PPP3CA: variants seen among roughly 807,000 people sequenced by gnomAD.
PPP3CA encodes the protein protein phosphatase 3 catalytic subunit alpha.
PPP3CA carries 14 observed loss-of-function variants against 66.5 expected under a neutral mutation model. That is an observed-to-expected ratio of 0.21 (90% confidence interval 0.14 to 0.33). PPP3CA has a LOEUF of 0.33. Ranked by LOEUF, PPP3CA falls within the 10% of genes least tolerant of loss-of-function variation. The pLI is 1.00. For missense variants in PPP3CA, 317 were observed against 639.5 expected, an observed-to-expected ratio of 0.50 and a Z score of 5.44; for synonymous variants, 232 against 226.2, an observed-to-expected ratio of 1.03 and a Z score of -0.23.
chr4:101,316,136 T>C (rs1317853224), intron 1 of PPP3CA, among the ~76,000 whole-genome samples: 17 of 151,972 alleles, frequency 1.1e-4, no homozygotes, highest in Non-Finnish European at 7.4e-5. Context: ...CAAAGGAATC[T>C]ACAAAATGTA....
intron 2 of PPP3CA, among the ~76,000 whole-genome samples, chr4:101,145,974 T>C (rs1024545486): frequency 6.6e-6 from 1 of 152,192 alleles, no homozygotes; most frequent in Admixed American, 6.5e-5. Context: ...ACGTTTCACA[T>C]TTTATTTAGT....
intron 1 of PPP3CA, among the ~76,000 whole-genome samples, chr4:101,345,817 C>G (rs1729964751): frequency 6.6e-6 from 1 of 152,118 alleles, no homozygotes; most frequent in Non-Finnish European, 1.5e-5. Flanking sequence ...GAAGAGGAGG[C>G]AATAATAGGA....
intron 1 of PPP3CA, among the ~76,000 whole-genome samples, chr4:101,315,323 A>T (rs1296255379): frequency 6.6e-6 from 1 of 152,196 alleles, no homozygotes; most frequent in Non-Finnish European, 1.5e-5. Context: ...ATCTAATCTA[A>T]GGCATTTTGT....
chr4:101,146,814 C>G (rs1282381580), intron 2 of PPP3CA, among the ~76,000 whole-genome samples: 1 of 152,088 alleles, frequency 6.6e-6, no homozygotes, highest in Non-Finnish European at 1.5e-5. Flanking sequence ...TTGAATATCC[C>G]TTATCCAAAA....
chr4:101,174,341 C>T (rs1244456842), intron 2 of PPP3CA, among the ~76,000 whole-genome samples: 1 of 152,060 alleles, frequency 6.6e-6, no homozygotes, highest in Non-Finnish European at 1.5e-5. Flanking sequence ...TTAATTTTTT[C>T]ATTAAGATAT....
At chr4:101,283,826 C>T (rs774472673) in intron 1 of PPP3CA, among the ~76,000 whole-genome samples, 18 of 150,422 alleles carry the variant, frequency 1.2e-4, no homozygotes, top group Non-Finnish European at 2.5e-4. Flanking sequence ...GAAGAACACA[C>T]CACTACTGCT....
At position 101,189,680 on chromosome 4, in the gene PPP3CA, T is replaced by A. The variant is rs557880786; in HGVS notation, c.259+6236A>T. On this transcript the variant is annotated intron_variant, in intron 2 of 13. Coordinates refer to ENST00000394854, the MANE Select transcript of PPP3CA (RefSeq NM_000944.5). ...TTAAAAAGTACAGTGTTTATGATAG[T>A]GAACGGCAAAAAAAAAAAAAAAAAC... Among the ~76,000 whole-genome samples the A allele has an allele frequency of 1.5e-4, 17 of 109,840 alleles. No homozygotes were observed. In the South Asian group the frequency reaches 3.8e-3, roughly 24 times the overall value. The allele number at this position is 109,840 out of a possible 152,430, so 72.1% of individuals were successfully genotyped here.
chr4:101,230,548 A>T (rs1280455379), intron 1 of PPP3CA, among the ~76,000 whole-genome samples: 1 of 151,556 alleles, frequency 6.6e-6, no homozygotes, highest in Non-Finnish European at 1.5e-5. Context: ...ATAAACAAAC[A>T]AACTAAATAA....
intron 1 of PPP3CA, among the ~76,000 whole-genome samples, chr4:101,321,034 G>A (rs1444919463): frequency 1.3e-5 from 2 of 152,190 alleles, no homozygotes; most frequent in South Asian, 4.1e-4. Context: ...TGTGCTTAAA[G>A]TCAAATCTAA....
chr4:101,336,296 C>T (rs887036065), intron 1 of PPP3CA, among the ~76,000 whole-genome samples: 1 of 151,646 alleles, frequency 6.6e-6, no homozygotes, highest in East Asian at 2.0e-4. Flanking sequence ...GCTGGCCGGC[C>T]GCAGTGGCTC....
intron 1 of PPP3CA, among the ~76,000 whole-genome samples, chr4:101,253,310 A>C (rs376160192): frequency 7.9e-5 from 12 of 152,278 alleles, no homozygotes; most frequent in African/African-American, 2.9e-4. Flanking sequence ...TGAGAAGCAG[A>C]TGGTGAATGT....
chr4:101,338,996 C>G (rs536614834), intron 1 of PPP3CA, among the ~76,000 whole-genome samples: 1 of 152,282 alleles, frequency 6.6e-6, no homozygotes, highest in East Asian at 1.9e-4. Context: ...AAACAAATGT[C>G]AACGGATGGC....
At chr4:101,124,725 GAGAAAGAAAGAAAGAAAGAAAGAAAGAA>G (rs756619477) in intron 2 of PPP3CA, among the ~76,000 whole-genome samples, 22 of 58,832 alleles carry the variant, frequency 3.7e-4, no homozygotes, top group Middle Eastern at 0.011. Context: ...AAGAAAGAAA[GAGAAAGAAAGAAAGAAAGAAAGAAAGAA>G]AGAAAGAAAG....
intron 1 of PPP3CA, among the ~76,000 whole-genome samples, chr4:101,302,026 T>G (rs1160444790): frequency 2.0e-5 from 3 of 152,126 alleles, no homozygotes; most frequent in African/African-American, 7.2e-5. Context: ...CTACACAGCT[T>G]CTAAAGGGTA....
chr4:101,037,294 A>T (rs193149087), intron 11 of PPP3CA, among the ~76,000 whole-genome samples: 6 of 152,370 alleles, frequency 3.9e-5, no homozygotes, highest in African/African-American at 1.2e-4. Context: ...TTTGAAACAA[A>T]GCCTTGCTTA....
At chr4:101,131,667 C>T (rs1291509662) in intron 2 of PPP3CA, among the ~76,000 whole-genome samples, 1 of 152,114 alleles carries the variant, frequency 6.6e-6, no homozygotes, top group Non-Finnish European at 1.5e-5. Context: ...GACTTTAACA[C>T]CCCACTGTCA....
intron 1 of PPP3CA, among the ~76,000 whole-genome samples, chr4:101,340,197 A>C (rs950558649): frequency 6.6e-6 from 1 of 152,146 alleles, no homozygotes; most frequent in Non-Finnish European, 1.5e-5. Flanking sequence ...GACAGACACA[A>C]GCAAAATTTC....
intron 1 of PPP3CA, among the ~76,000 whole-genome samples, chr4:101,283,521 A>G (rs1366511858): frequency 2.0e-5 from 3 of 152,240 alleles, no homozygotes; most frequent in African/African-American, 7.2e-5. Context: ...TAACAAAATA[A>G]GAGTATTTTA....
At chr4:101,085,830 GTA>G (rs34171833) in intron 6 of PPP3CA, among the ~76,000 whole-genome samples, 19,567 of 147,016 alleles carry the variant, frequency 0.13, 1,540 homozygotes, top group African/African-American at 0.22. Context: ...AAAGCACTGC[GTA>G]TATACACACA....
Sources: allele counts gnomAD v4.1 joint callset (sites outside exome capture counted in the v4.1 genomes callset), GRCh38; gene constraint gnomAD v4.1.1; transcripts MANE v1.5; gene names NCBI Gene and HGNC (gene_info 2026-07-23, HGNC 2026-07-21).